Variants in TEX2 observed in about 807,000 individuals in gnomAD.
The protein encoded by TEX2 is testis-expressed protein 2.
Under a neutral mutation model 106.9 loss-of-function variants are expected in TEX2, and 53 were observed. That is an observed-to-expected ratio of 0.50 (90% CI 0.40 to 0.62). TEX2 has a LOEUF of 0.62. Ranked by LOEUF, TEX2 falls within the 20% of genes least tolerant of loss-of-function variation. The pLI is 0.00. For missense variants in TEX2, 1,207 were observed against 1,379.0 expected (o/e 0.88, Z 1.98); for synonymous variants, 523 against 534.8 (o/e 0.98, Z 0.30).
At chr17:64,161,669 A>C (rs1437092754) in intron 7 of TEX2, among the ~76,000 whole-genome samples, 1 of 152,060 alleles carries the variant, frequency 6.6e-6, no homozygotes, top group East Asian at 1.9e-4. Context: ...ATTTTACTGC[A>C]ATGGCCGCTG....
chr17:64,190,227 AT>A (rs1019802938), intron 4 of TEX2, among the ~76,000 whole-genome samples: 5 of 152,196 alleles, frequency 3.3e-5, no homozygotes, highest in South Asian at 2.1e-4. Context: ...CATGTTTAGC[AT>A]TTTTTTAATT....
chr17:64,170,719 G>A (rs1339049785), intron 7 of TEX2, among the ~76,000 whole-genome samples: 7 of 127,342 alleles, frequency 5.5e-5, no homozygotes, highest in Middle Eastern at 5.1e-3. Flanking sequence ...TGCAACCTCC[G>A]TCTCCTGGGT....
intron 5 of TEX2, among the ~76,000 whole-genome samples, chr17:64,183,943 CTT>C (rs2031978372): frequency 6.6e-6 from 1 of 152,098 alleles, no homozygotes; most frequent in South Asian, 2.1e-4. Context: ...CACCATCTGT[CTT>C]TTTCATTGTG....
At chr17:64,240,186 C>T (rs1291933723) in intron 1 of TEX2, among the ~76,000 whole-genome samples, 2 of 151,780 alleles carry the variant, frequency 1.3e-5, no homozygotes, top group African/African-American at 4.9e-5. Flanking sequence ...TAACTTTCCT[C>T]TATGATCTTT....
intron 1 of TEX2, among the ~76,000 whole-genome samples, chr17:64,227,109 C>A (rs1555633971): frequency 2.1e-4 from 32 of 151,884 alleles, no homozygotes. Context: ...GCCTGTAGTC[C>A]CAGCTACTCG....
At position 64,185,010 on chromosome 17, in the gene TEX2, C is replaced by G. The variant is rs2032023327; in HGVS notation, c.2424+3158G>C. Among the ~76,000 whole-genome samples, 1 of 152,134 alleles carries G rather than the reference C, an allele frequency of 6.6e-6. No individual in the cohort carries two copies. Among genetic ancestry groups the G allele is most frequent in the African/African-American group, 2.4e-5 (1 of 41,424 alleles). ...CTTTGTGGGGGTAGCAAGGGAAGCC[C>G]TGGAAAACTATTCTGCCAGTTACAG... On this transcript the variant is annotated intron_variant, in intron 5 of 11. Transcript: ENST00000584379. The surrounding 1 kb of genome is among the most constrained non-coding windows in gnomAD (Gnocchi z 4.0).
chr17:64,178,723 C>T (rs769257562), intron 5 of TEX2, among the ~76,000 whole-genome samples: 1 of 152,210 alleles, frequency 6.6e-6, no homozygotes, highest in Admixed American at 6.5e-5. Context: ...TTTCCCCTCC[C>T]TCTATGGCTA....
At chr17:64,218,212 C>CAGTCA (rs2033242661) in intron 1 of TEX2, among the ~76,000 whole-genome samples, 2 of 151,864 alleles carry the variant, frequency 1.3e-5, no homozygotes, top group Non-Finnish European at 2.9e-5. Flanking sequence ...TGGCACTGCA[C>CAGTCA]CCCAGCGTGG....
chr17:64,155,471 C>T (rs757669938), intron 8 of TEX2: 1 of 152,326 alleles, frequency 6.6e-6, no homozygotes, highest in African/African-American at 2.4e-5. Flanking sequence ...GCTTAGTAAC[C>T]CTCCAAGTGA....
chr17:64,192,298 AG>A (rs1238474428), intron 4 of TEX2, among the ~76,000 whole-genome samples: 1 of 152,270 alleles, frequency 6.6e-6, no homozygotes, highest in Non-Finnish European at 1.5e-5. Flanking sequence ...AAGTCATACT[AG>A]AAACAGGGTG....
chr17:64,239,712 C>G (rs540997130), intron 1 of TEX2, among the ~76,000 whole-genome samples: 1 of 151,682 alleles, frequency 6.6e-6, no homozygotes, highest in Admixed American at 6.6e-5. Flanking sequence ...CCCGTCTCTA[C>G]TAAAAATACA....
rs143603852 is a variant in TEX2, at chr17:64,195,464, C to T, written c.1645-369G>A. 1.4e-3 allele frequency among the ~76,000 whole-genome samples: 208 copies of T among 152,270 alleles called. 2 individuals are homozygous for T. Among genetic ancestry groups the T allele is most frequent in the Non-Finnish European group, 2.3e-3 (154 of 68,022 alleles). ...GGGTGATTAATCCCACCCAGTCTGG[C>T]CTTCTTAATTAGCTAAACACATGCT... On this transcript the variant is annotated intron_variant, in intron 2 of 11. Coordinates refer to ENST00000584379, the MANE Select transcript of TEX2 (RefSeq NM_001288732.2). The surrounding 1 kb of genome is among the most constrained non-coding windows in gnomAD (Gnocchi z 4.1).
At chr17:64,233,786 C>A (rs1555634834) in intron 1 of TEX2, among the ~76,000 whole-genome samples, 1 of 152,182 alleles carries the variant, frequency 6.6e-6, no homozygotes, top group Non-Finnish European at 1.5e-5. Context: ...AAGTCTCTAT[C>A]AAGGTCAATG....
intron 2 of TEX2, among the ~76,000 whole-genome samples, chr17:64,203,378 A>T (rs2032730966): frequency 6.6e-6 from 1 of 152,272 alleles, no homozygotes; most frequent in African/African-American, 2.4e-5. Flanking sequence ...GAATAGAGCC[A>T]GGGCCTGAGG....
At position 64,213,673 on chromosome 17, in the gene TEX2, A is replaced by G. The variant is rs1555632129; in HGVS notation, c.545T>C (p.Leu182Pro). 1 of 1,614,034 alleles carries G rather than the reference A, an allele frequency of 6.2e-7. No homozygotes were observed. Among genetic ancestry groups the G allele is most frequent in the Non-Finnish European group, 8.5e-7 (1 of 1,180,038 alleles). The change falls in exon 2 of 12, where the codon CTT (leucine) becomes CCT (proline). Residue 182 changes from leucine (L) to proline (P), a missense_variant. Transcript: ENST00000584379. The surrounding 1 kb of genome is among the most constrained non-coding windows in gnomAD (Gnocchi z 4.4). ...ILSSSASTST[L>P]SSAKPFMSLV... is the part of the protein sequence containing the mutation. Reference sequence around the variant, plus strand: ...GCTCATGAAGGGTTTTGCACTGGAAAGGGTGGAGGTTGAGGCACTGGATGA... The same window carrying G: ...GCTCATGAAGGGTTTTGCACTGGAAGGGGTGGAGGTTGAGGCACTGGATGA...
chr17:64,218,405 C>A (rs2033250757), intron 1 of TEX2, among the ~76,000 whole-genome samples: 1 of 120,634 alleles, frequency 8.3e-6, no homozygotes, highest in Non-Finnish European at 1.6e-5. Context: ...GACACTTTCA[C>A]TTTTTTTTTT....
At position 64,248,984 on chromosome 17, in the gene TEX2, G is replaced by A. The variant is rs145032777; in HGVS notation, c.-26+14184C>T. On this transcript the variant is annotated intron_variant, in intron 1 of 11. Coordinates refer to ENST00000584379, the MANE Select transcript of TEX2 (RefSeq NM_001288732.2). ...CAGGAGGCGGAGGTTGCAGTGAGCC[G>A]AGATTACGCCACTGCACTTGAGACT... Among the ~76,000 whole-genome samples the A allele has an allele frequency of 6.2e-3, 943 of 151,564 alleles. 9 individuals carry two copies. Among genetic ancestry groups the A allele is most frequent in the African/African-American group, 0.022 (898 of 41,290 alleles).
At chr17:64,234,759 T>G (rs1555634940) in intron 1 of TEX2, among the ~76,000 whole-genome samples, 1 of 152,224 alleles carries the variant, frequency 6.6e-6, no homozygotes, top group African/African-American at 2.4e-5. Context: ...TCTCTCCCCA[T>G]GGATCTTTAT....
rs781999473 is a variant in TEX2, at chr17:64,236,890, C to T, written c.-25-22648G>A. On this transcript the variant is annotated intron_variant, in intron 1 of 11. Coordinates refer to ENST00000584379, the MANE Select transcript of TEX2 (RefSeq NM_001288732.2). ...TAAGCCAAATCTTGACAGTTGGACA[C>T]GTGGAATTTGAGCTCTGAGAGTGAA... Among the ~76,000 whole-genome samples, 7 of 152,218 alleles carry T rather than the reference C, an allele frequency of 4.6e-5. No individual in the cohort carries two copies. The South Asian group carries it at 1.4e-3, about 32-fold the overall frequency.
Sources: gnomAD v4.1 joint callset for allele counts (sites outside exome capture counted in the v4.1 genomes callset) on GRCh38, gnomAD v4.1.1 for gene constraint, Gnocchi (gnomAD v3.1) non-coding constraint, MANE v1.5 for transcripts, NCBI Gene and HGNC (gene_info 2026-07-23, HGNC 2026-07-21) for gene names.